Variants in CHN1 observed in about 807,000 individuals in gnomAD.
CHN1 encodes the protein N-chimaerin.
In CHN1, 37 loss-of-function variants were observed where a neutral mutation model predicts 59.5. The ratio of observed to expected loss-of-function variants is 0.62; its 90% CI spans 0.48 to 0.82. The LOEUF (loss-of-function observed/expected upper bound fraction) is 0.82, where lower values mean the gene tolerates loss of function less well. Among genes scored for constraint, CHN1 ranks in the 40% least tolerant of loss-of-function variants. The pLI is 0.00. For missense variants in CHN1, 469 were observed against 571.0 expected (o/e 0.82, Z 1.82); for synonymous variants, 206 against 200.4 (o/e 1.03, Z -0.24).
intron 8 of CHN1, among the ~76,000 whole-genome samples, chr2:174,817,861 TCTC>T: frequency 6.6e-6 from 1 of 152,210 alleles, no homozygotes; most frequent in East Asian, 1.9e-4. Context: ...ATGGTCTCGA[TCTC>T]CTGACCTCGT....
chr2:174,808,866 C>T (rs773126737), intron 11 of CHN1, 39 bp downstream of exon 11: 18 of 1,606,294 alleles, frequency 1.1e-5, no homozygotes, highest in African/African-American at 2.7e-5. Flanking sequence ...ACCAAGAGGA[C>T]GTTGTCAGGT....
intron 1 of CHN1, among the ~76,000 whole-genome samples, chr2:174,976,190 T>C (rs1690925317): frequency 6.6e-6 from 1 of 151,438 alleles, no homozygotes; most frequent in South Asian, 2.1e-4. Context: ...TAAATTTTTA[T>C]TAAAATTTCT....
At chr2:174,804,302 G>C (rs949312760) in intron 11 of CHN1, among the ~76,000 whole-genome samples, 9 of 152,148 alleles carry the variant, frequency 5.9e-5, no homozygotes, top group South Asian at 2.1e-4. Flanking sequence ...GGCTGCAGTA[G>C]AGTGAGTGAA....
At chr2:174,807,902 TAAAG>T (rs1684949203) in intron 11 of CHN1, among the ~76,000 whole-genome samples, 1 of 152,184 alleles carries the variant, frequency 6.6e-6, no homozygotes, top group Non-Finnish European at 1.5e-5. Context: ...CATATGGTTT[TAAAG>T]AGAGAAAAGC....
At chr2:174,929,267 C>G (rs1260259390) in intron 3 of CHN1, among the ~76,000 whole-genome samples, 4 of 151,984 alleles carry the variant, frequency 2.6e-5, no homozygotes, top group Non-Finnish European at 5.9e-5. Context: ...TTTTTAATAC[C>G]CTATAAATAC....
intron 12 of CHN1, 122 bp downstream of exon 12, chr2:174,801,585 A>G: frequency 1.5e-6 from 1 of 670,994 alleles, no homozygotes; most frequent in Non-Finnish European, 2.6e-6. Flanking sequence ...ACAAAAGACA[A>G]TATAGCTATG....
intron 1 of CHN1, among the ~76,000 whole-genome samples, chr2:174,957,426 C>T (rs924241973): frequency 3.9e-5 from 5 of 128,728 alleles, no homozygotes; most frequent in Admixed American, 1.8e-4. Flanking sequence ...ACCACAATGC[C>T]TCTGCTAGGG....
intron 3 of CHN1, among the ~76,000 whole-genome samples, chr2:174,939,001 C>T (rs1689581818): frequency 6.6e-6 from 1 of 151,870 alleles, no homozygotes; most frequent in African/African-American, 2.4e-5. Context: ...GAATACATTG[C>T]TCAATTTAAG....
At chr2:174,967,836 A>G (rs1690641241) in intron 1 of CHN1, among the ~76,000 whole-genome samples, 1 of 152,236 alleles carries the variant, frequency 6.6e-6, no homozygotes, top group African/African-American at 2.4e-5. Context: ...GGCAGAAATT[A>G]TTCCTAACCC....
rs79237733 is a variant in CHN1 at position 174,955,114 on chromosome 2, G to T, written c.20-2912C>A. On this transcript the variant is annotated intron_variant, in intron 1 of 12. Transcript: ENST00000409900. ...ATATATCTATATATATAGATCTATA[G>T]ATCTATAGATCTAATATAGATCTAT... 4.9e-3 allele frequency among the ~76,000 whole-genome samples: 725 copies of T among 147,244 alleles called. 5 individuals are homozygous for T. Among genetic ancestry groups the T allele is most frequent in the African/African-American group, 0.017 (680 of 40,416 alleles).
chr2:174,974,709 G>A (rs1419885035), intron 1 of CHN1, among the ~76,000 whole-genome samples: 1 of 151,784 alleles, frequency 6.6e-6, no homozygotes, highest in Admixed American at 6.6e-5. Flanking sequence ...TAATAATAAA[G>A]GTAAATAAAA....
intron 6 of CHN1, among the ~76,000 whole-genome samples, chr2:174,877,510 G>A (rs946996921): frequency 1.4e-4 from 21 of 152,078 alleles, no homozygotes; most frequent in African/African-American, 3.9e-4. Context: ...AATTACTTAC[G>A]TAATAGTAGC....
chr2:174,811,641 T>C (rs1685078028), intron 9 of CHN1, 53 bp from the exon 10 acceptor site: 1 of 1,127,026 alleles, frequency 8.9e-7, no homozygotes, highest in Non-Finnish European at 1.3e-6. Context: ...CTTCAGATTT[T>C]AACTCCTCAC....
intron 8 of CHN1, among the ~76,000 whole-genome samples, chr2:174,812,849 T>C (rs1331450534): frequency 1.3e-5 from 2 of 152,208 alleles, no homozygotes; most frequent in Non-Finnish European, 2.9e-5. Context: ...ATGTGGGGTA[T>C]AATTGCATTT....
chr2:174,916,617 T>C (rs969110034), intron 4 of CHN1, among the ~76,000 whole-genome samples: 6 of 152,196 alleles, frequency 3.9e-5, no homozygotes, highest in African/African-American at 4.8e-5. Context: ...CTGGAGTTTT[T>C]CCTGATAGGG....
chr2:175,003,969 A>G (rs1009719618), intron 1 of CHN1, among the ~76,000 whole-genome samples: 2 of 152,380 alleles, frequency 1.3e-5, no homozygotes, highest in East Asian at 3.9e-4. Context: ...ATCAAATGAC[A>G]TAATTAAAAC....
At chr2:174,933,299 G>A (rs2951291) in intron 3 of CHN1, among the ~76,000 whole-genome samples, 70,220 of 152,002 alleles carry the variant, frequency 0.46, 17,077 homozygotes, top group African/African-American at 0.6. Flanking sequence ...GTAGAGAAGA[G>A]AAGAGGAGAG....
intron 8 of CHN1, among the ~76,000 whole-genome samples, chr2:174,815,482 T>C (rs1026652515): frequency 6.6e-6 from 1 of 152,250 alleles, no homozygotes. Flanking sequence ...TCATGTCTAT[T>C]CTGCTATTAA....
Position 174,995,519 on chromosome 2 carries a change from A to T in CHN1, c.19+9375T>A, listed in dbSNP as rs570602666. 2.0e-5 allele frequency among the ~76,000 whole-genome samples: 3 copies of T among 152,322 alleles called. No individual in the cohort carries two copies. In the East Asian group the frequency reaches 5.8e-4, roughly 29 times the overall value. On this transcript the variant is annotated intron_variant, in intron 1 of 12. Transcript: ENST00000409900. ...TTGGGATGCAACTGCTCCACCTCAG[A>T]TCAACAGGCATTAGATTGTCATAAG...
Sources: allele counts gnomAD v4.1 joint callset (sites outside exome capture counted in the v4.1 genomes callset), GRCh38; gene constraint gnomAD v4.1.1; transcripts MANE v1.5; gene names NCBI Gene and HGNC (gene_info 2026-07-23, HGNC 2026-07-21).